RSRP1: variants seen among roughly 807,000 people sequenced by gnomAD.
RSRP1 encodes the protein arginine/serine-rich protein 1.
Under a neutral mutation model 33.0 loss-of-function variants are expected in RSRP1, and 37 were observed. The observed-to-expected ratio is 1.12, with a 90% CI of 0.86 to 1.48. The LOEUF (loss-of-function observed/expected upper bound fraction) is 1.48, where lower values mean the gene tolerates loss of function less well. Ranked by LOEUF, RSRP1 falls within the 40% of genes most tolerant of loss-of-function variation. The pLI, the probability that RSRP1 is intolerant of heterozygous loss-of-function variation, is 0.00. For synonymous variants in RSRP1, 167 were observed against 158.7 expected, an observed-to-expected ratio of 1.05 and a Z score of -0.40; for missense variants, 402 against 385.3, an observed-to-expected ratio of 1.04 and a Z score of -0.36.
At chr1:25,254,647 G>A (rs775919550) in intron 1 of RSRP1, among the ~76,000 whole-genome samples, 4 of 152,054 alleles carry the variant, frequency 2.6e-5, no homozygotes, top group Non-Finnish European at 4.4e-5. Context: ...TGTTGACCAG[G>A]CTGGTCTCGA....
intron 1 of RSRP1, among the ~76,000 whole-genome samples, chr1:25,261,297 G>C (rs1390965979): frequency 2.6e-5 from 4 of 152,230 alleles, no homozygotes; most frequent in East Asian, 1.9e-4. Flanking sequence ...TATATACAAA[G>C]ATAATTTCGT....
Position 25,306,962 on chromosome 1 carries a change from C to G in RSRP1, c.-67+31016G>C, listed in dbSNP as rs1364342465. ...CAAATAGGGCCACCTAGGTATAGACCAAAGACACGAAATCTTTTGTGATCC... is the reference window on the plus strand; with the variant it reads ...CAAATAGGGCCACCTAGGTATAGACGAAAGACACGAAATCTTTTGTGATCC... On this transcript the variant is annotated intron_variant, in intron 1 of 1. Transcript: ENST00000561867. The G allele has an allele frequency of 4.2e-6, 2 of 476,248 alleles. 1 individual carries two copies. The highest frequency in any genetic ancestry group is 4.0e-5 in the African/African-American group (2 of 50,048). The allele number at this position is 476,248 out of a possible 1,614,324, so 29.5% of individuals were successfully genotyped here. A position where few individuals can be genotyped will look rare whatever the true frequency, so the allele number is the denominator to read the frequency against.
At chr1:25,322,555 C>T (rs1303353232) in intron 1 of RSRP1, among the ~76,000 whole-genome samples, 1 of 132,320 alleles carries the variant, frequency 7.6e-6, no homozygotes, top group Non-Finnish European at 1.8e-5. Context: ...TGCCTGTAAT[C>T]CCAGTTACTC....
At chr1:25,245,435 A>C in intron 2 of RSRP1, 134 bp from the exon 3 acceptor site, 1 of 1,269,150 alleles carries the variant, frequency 7.9e-7, no homozygotes, top group African/African-American at 1.5e-5. Flanking sequence ...ATAATAGGTA[A>C]ACTAAGGTTG....
In RSRP1 at chr1:25,245,263, C is replaced by T. The variant is rs756654169; in HGVS notation, c.559G>A (p.Ala187Thr). 8 of 1,613,800 alleles carry T rather than the reference C, an allele frequency of 5.0e-6. No individual in the cohort carries two copies. In the South Asian group the frequency reaches 7.7e-5, roughly 16 times the overall value. The change falls in exon 3 of 5, where the codon GCG (alanine) becomes ACG (threonine). Residue 187 changes from alanine (A) to threonine (T), a missense_variant. Transcript: ENST00000243189. The stretch of plus-strand genomic sequence containing the variant: ...ATGTTGGTTGTTCCTAGAGCTTTCG[C>T]TGCATTGGTTTTTGCTATTTCTAAC... ...ELLEIAKTNAAKALGTTNIDL... is the reference protein window; with the variant it reads ...ELLEIAKTNATKALGTTNIDL...
chr1:25,280,300 C>A (rs1457249417), intron 1 of RSRP1, among the ~76,000 whole-genome samples: 1 of 124,220 alleles, frequency 8.1e-6, no homozygotes, highest in East Asian at 2.0e-4. Flanking sequence ...CCTCTGACTT[C>A]CTCATCTCTT....
intron 1 of RSRP1, among the ~76,000 whole-genome samples, chr1:25,330,953 CTTTTTTTTTTT>C (rs71014353): frequency 8.1e-4 from 28 of 34,728 alleles, no homozygotes; most frequent in Admixed American, 1.6e-3. Context: ...TGTCATCTTC[CTTTTTTTTTTT>C]TTTTTTTTTT....
In RSRP1 at chr1:25,322,029, A is replaced by C. The variant is rs1159040727; in HGVS notation, c.-67+15949T>G. 2 of 848,474 alleles carry C rather than the reference A, an allele frequency of 2.4e-6. 1 individual carries two copies. The highest frequency in any genetic ancestry group is 3.2e-5 in the African/African-American group (2 of 62,362). The allele number at this position is 848,474 out of a possible 1,614,324, so 52.6% of individuals were successfully genotyped here. On this transcript the variant is annotated intron_variant, in intron 1 of 1. Transcript: ENST00000561867. ...TGAACTTAAAAACATACCTGAGTAT[A>C]TATGTTGACTTGCTGTTTATGAGTA...
Position 25,246,802 on chromosome 1 carries a change from C to G in RSRP1, c.162G>C (p.Ser54=). The part of the protein sequence containing the change: ...RSHSRVSSRF[S]SRSRRSKSRS... ...TGGACTTGCTCCTCCGACTCCTGGACGAAAACCGGCTCGAGACGCGGGAAT... is the reference window on the plus strand; with the variant it reads ...TGGACTTGCTCCTCCGACTCCTGGAGGAAAACCGGCTCGAGACGCGGGAAT... Residue 54 remains serine, a synonymous_variant, in exon 2 of 5, where the codon TCG becomes TCC. Transcript: ENST00000243189. 5 of 1,613,504 alleles carry G rather than the reference C, an allele frequency of 3.1e-6. No homozygotes were observed. Among genetic ancestry groups the G allele is most frequent in the Non-Finnish European group, 4.2e-6 (5 of 1,179,742 alleles).
At chr1:25,262,192 A>T (rs978119982) in intron 1 of RSRP1, among the ~76,000 whole-genome samples, 9 of 152,326 alleles carry the variant, frequency 5.9e-5, no homozygotes, top group East Asian at 3.9e-4. Flanking sequence ...TTAGAAATTT[A>T]AAAAATGGCT....
At chr1:25,255,578 G>T (rs1639921773) in intron 1 of RSRP1, among the ~76,000 whole-genome samples, 4 of 152,112 alleles carry the variant, frequency 2.6e-5, no homozygotes, top group South Asian at 2.1e-4. Context: ...AGCTGGGGGT[G>T]GGGGGTTGTT....
At chr1:25,286,821 C>T (rs113744987) in intron 1 of RSRP1, among the ~76,000 whole-genome samples, 1,762 of 133,342 alleles carry the variant, frequency 0.013, 201 homozygotes, top group African/African-American at 0.044. Flanking sequence ...AGGCCAGGCG[C>T]GGTGGTTCAT....
At chr1:25,267,948 C>T (rs1182051433) in intron 1 of RSRP1, 1 of 133,304 alleles carries the variant, frequency 7.5e-6, no homozygotes, top group Non-Finnish European at 1.8e-5. Flanking sequence ...TCCCTCCGGA[C>T]CCGGCGCCCC....
rs745619372 is a variant in RSRP1, at chr1:25,246,930, AG to A, written c.33del (p.Ser12ArgfsTer159). The A allele has an allele frequency of 1.4e-5, 23 of 1,591,830 alleles. No homozygotes were observed. The highest frequency in any genetic ancestry group is 1.8e-5 in the Non-Finnish European group (21 of 1,165,932). Reference protein sequence around the residue: MSNYVNDMWPGSPQEKDSPST... With the variant: MSNYVNDMWPXSPQEKDSPST... ...GAGGGCGAATCCTTCTCCTGCGGCGAGCCCGGCCACATGTCGTTCACGTAGT... is the reference window on the plus strand; with the variant it reads ...GAGGGCGAATCCTTCTCCTGCGGCGACCCGGCCACATGTCGTTCACGTAGT... On this transcript the variant is annotated frameshift_variant, in exon 2 of 5. Coordinates refer to ENST00000243189, the MANE Select transcript of RSRP1 (RefSeq NM_020317.5). LOFTEE classifies it high-confidence loss of function.
intron 1 of RSRP1, chr1:25,306,622 T>A: frequency 7.3e-7 from 1 of 1,378,032 alleles, no homozygotes; most frequent in Non-Finnish European, 1.0e-6. Context: ...TGCTGGGGAT[T>A]CCCCACAGCT....
chr1:25,250,846 T>C (rs1404490116), upstream of RSRP1, among the ~76,000 whole-genome samples: 6 of 151,802 alleles, frequency 4.0e-5, no homozygotes, highest in African/African-American at 1.5e-4. Flanking sequence ...CCATCTCTAC[T>C]AAAAACACAA....
rs747617254 is a variant in RSRP1 at position 25,243,518 on chromosome 1, T to C, written c.756+32A>G. 3.7e-6 allele frequency: 6 copies of C among 1,605,932 alleles called. No homozygotes were observed. In the Admixed American group the frequency reaches 1.0e-4, roughly 27 times the overall value. On this transcript the variant is annotated intron_variant, in intron 4 of 4. Transcript: ENST00000243189. ...ATGCAAAAATACATCCTAAATCCAA[T>C]TTTTGAGTGTTCAATGCCTGGATAT...
chr1:25,290,628 C>A, intron 1 of RSRP1: 1 of 1,373,024 alleles, frequency 7.3e-7, no homozygotes, highest in Middle Eastern at 1.8e-4. Context: ...CTGGCTCTCC[C>A]TCTCTCCCCC....
chr1:25,316,703 G>C (rs1277860314), intron 1 of RSRP1, among the ~76,000 whole-genome samples: 2 of 123,634 alleles, frequency 1.6e-5, no homozygotes, highest in Middle Eastern at 8.6e-3. Context: ...CAGCTAGTAA[G>C]TGACAGAGCT....
Sources: allele counts gnomAD v4.1 joint callset (sites outside exome capture counted in the v4.1 genomes callset), GRCh38; gene constraint gnomAD v4.1.1; transcripts MANE v1.5; gene names NCBI Gene and HGNC (gene_info 2026-07-23, HGNC 2026-07-21).